The following EOLA2 variants were observed in gnomAD, a reference collection of about 807,000 sequenced individuals.
EOLA2 encodes the protein endothelium and lymphocyte associated ASCH domain 2, also known as protein EOLA2.
In EOLA2, 3 loss-of-function variants were observed where a neutral mutation model predicts 4.1. The observed-to-expected ratio is 0.73, with a 90% CI of 0.33 to 1.89. The LOEUF (loss-of-function observed/expected upper bound fraction) is 1.89. Ranked by LOEUF, EOLA2 falls within the 40% of genes most tolerant of loss-of-function variation. EOLA2 has a pLI of 0.08. For missense variants in EOLA2, 109 were observed against 126.4 expected (o/e 0.86, Z 0.66); for synonymous variants, 52 against 51.7 (o/e 1.01, Z -0.03).
At chrX:149,933,477 C>T (rs781872415) in intron 4 of EOLA2, 145 bp downstream of exon 4, 132 of 756,156 alleles carry the variant, frequency 1.7e-4, no homozygotes, top group East Asian at 1.4e-3. Flanking sequence ...AGGTCCTTGC[C>T]GCCCCTTTGA....
chrX:149,934,315 T>C, intron 2 of EOLA2, 178 bp from the exon 3 acceptor site: 1 of 605,642 alleles, frequency 1.7e-6, no homozygotes, highest in South Asian at 7.9e-5. Flanking sequence ...CTCTTCCCTT[T>C]CCCCTGCTGT....
chrX:149,935,905 G>A (rs1239049003), intron 2 of EOLA2, among the ~76,000 whole-genome samples: 48 of 108,324 alleles, frequency 4.4e-4, no homozygotes, highest in Middle Eastern at 4.8e-3. Flanking sequence ...GTCCAAAACC[G>A]ACACTGAATC....
At chrX:149,934,209 C>G in intron 2 of EOLA2, 72 bp from the exon 3 acceptor site, 2 of 855,350 alleles carry the variant, frequency 2.3e-6, no homozygotes, top group Non-Finnish European at 2.9e-6. Flanking sequence ...TAGGGCAACA[C>G]AGAGGACAGA....
At chrX:149,933,511 T>C in intron 4 of EOLA2, 111 bp downstream of exon 4, 1 of 841,024 alleles carries the variant, frequency 1.2e-6, no homozygotes, top group Non-Finnish European at 1.7e-6. Context: ...AAGGAAACTG[T>C]GTTATACACG....
intron 2 of EOLA2, chrX:149,934,574 C>T (rs2090947129): frequency 1.3e-6 from 1 of 752,350 alleles, no homozygotes; most frequent in Admixed American, 8.7e-5. Context: ...CCAATCTGAG[C>T]TGAGAAAAGA....
intron 4 of EOLA2, 98 bp downstream of exon 4, chrX:149,933,524 A>T (rs1387815795): frequency 2.2e-6 from 2 of 900,975 alleles, no homozygotes; most frequent in African/African-American, 4.3e-5. Flanking sequence ...TATACACGCC[A>T]ATCAGTTCAG....
chrX:149,931,793 T>C (rs1412815114), downstream of EOLA2, among the ~76,000 whole-genome samples: 2 of 82,655 alleles, frequency 2.4e-5, no homozygotes, highest in African/African-American at 9.9e-5. Flanking sequence ...CTAGAAACTT[T>C]GCTAAATCAC....
intron 2 of EOLA2, among the ~76,000 whole-genome samples, chrX:149,934,914 TCA>T (rs2090955535): frequency 8.9e-6 from 1 of 112,086 alleles, no homozygotes; most frequent in African/African-American, 3.2e-5. Context: ...TTGAGATGCC[TCA>T]GTTTCCACAT....
At chrX:149,937,346 G>C (rs782377648) in intron 2 of EOLA2, 87 bp downstream of exon 2, 16 of 269,181 alleles carry the variant, frequency 5.9e-5, no homozygotes, top group Non-Finnish European at 8.2e-5. Context: ...ACAACTGTGT[G>C]TGTGTGGAAT....
intron 2 of EOLA2, among the ~76,000 whole-genome samples, chrX:149,936,011 C>G (rs1423766660): frequency 1.1e-5 from 1 of 90,124 alleles, no homozygotes; most frequent in Admixed American, 1.2e-4. Context: ...CCCCCACCCC[C>G]CCCCAGCACT....
chrX:149,932,845 TC>T (rs2090899775), intron 4 of EOLA2, 78 bp from the exon 5 acceptor site: 27 of 1,001,642 alleles, frequency 2.7e-5, no homozygotes, highest in Non-Finnish European at 3.5e-5. Context: ...ACACAGTTAC[TC>T]AAAGTCACAA....
downstream of EOLA2, chrX:149,929,925 A>G: frequency 9.9e-7 from 1 of 1,013,915 alleles, no homozygotes; most frequent in Non-Finnish European, 1.3e-6. Context: ...GTGGAGGAAG[A>G]CACATTCAAG....
rs367632870 is a variant in EOLA2, at chrX:149,932,613, C to T, written c.408G>A (p.Arg136=). 9.0e-5 allele frequency: 108 copies of T among 1,203,693 alleles called. No homozygotes were observed. Among genetic ancestry groups the T allele is most frequent in the Non-Finnish European group, 1.2e-4 (106 of 893,167 alleles). Residue 136 remains arginine, a synonymous_variant, in exon 5 of 5, where the codon AGG becomes AGA. Transcript: ENST00000370406. ...CCTGGAATACATCCTTGCCTCCTTTCCTAGGTATGGGCTCCAGTAACCACC... is the reference window on the plus strand; with the variant it reads ...CCTGGAATACATCCTTGCCTCCTTTTCTAGGTATGGGCTCCAGTAACCACC... The part of the protein sequence containing the change: ...NPRWLLEPIP[R]KGGKDVFQVD...
rs1307855745 is a variant in EOLA2, at chrX:149,937,806, A to C, written c.-210-326T>G. Among the ~76,000 whole-genome samples, 2 of 112,698 alleles carry C rather than the reference A, an allele frequency of 1.8e-5. 1 individual carries two copies. The stretch of plus-strand genomic sequence containing the variant: ...CTTCCCCTCCCATTGTCATCGGACG[A>C]GGGTTTGGGGGGCCTAAATCCCATT... On this transcript the variant is annotated intron_variant, in intron 1 of 4. Transcript: ENST00000370406.
rs782434499 is a variant in EOLA2 at position 149,932,669 on chromosome X, G to C, written c.352C>G (p.Gln118Glu). Reference protein sequence around the residue: ...ENQAALTNLKQKYLTVISNPR... With the variant: ...ENQAALTNLKEKYLTVISNPR... ...TTTGAAATCACAGTCAGGTACTTCTGCTTCAGGTTGGTCAGTGCAGCTTGA... is the reference window on the plus strand; with the variant it reads ...TTTGAAATCACAGTCAGGTACTTCTCCTTCAGGTTGGTCAGTGCAGCTTGA... The change falls in exon 5 of 5, where the codon CAG becomes GAG. Residue 118 changes from glutamine to glutamate, a missense_variant. Physicochemically the swap from Gln to Glu is conservative, Grantham distance 29. Coordinates refer to ENST00000370406, the MANE Select transcript of EOLA2 (RefSeq NM_001013845.2). 13 of 1,205,219 alleles carry C rather than the reference G, an allele frequency of 1.1e-5. No homozygotes were observed. The highest frequency in any genetic ancestry group is 4.4e-5 in the Admixed American group (2 of 45,428).
chrX:149,937,936 C>T (rs782573281), intron 1 of EOLA2, among the ~76,000 whole-genome samples: 1 of 112,833 alleles, frequency 8.9e-6, no homozygotes, highest in Non-Finnish European at 1.9e-5. Flanking sequence ...GCACAGGGGC[C>T]AAGCGGGAGG....
chrX:149,933,890 G>A lies in EOLA2; in HGVS notation c.-16C>T, dbSNP rs1441339962. On this transcript the variant is annotated 5_prime_UTR_variant, in exon 4 of 5. Coordinates refer to ENST00000370406, the MANE Select transcript of EOLA2 (RefSeq NM_001013845.2). ...CAAACTTCATCTTCGCAAGCGCCCC[G>A]GGCCTCCCGTAGCCTGCGGAAGCAC... is the stretch of plus-strand genomic sequence containing the variant. 1.2e-5 allele frequency: 14 copies of A among 1,196,575 alleles called. No homozygotes were observed. Among genetic ancestry groups the A allele is most frequent in the East Asian group, 3.0e-5 (1 of 33,508 alleles).
downstream of EOLA2, chrX:149,931,044 C>T (rs1388975518): frequency 5.3e-6 from 5 of 936,186 alleles, no homozygotes; most frequent in Non-Finnish European, 6.6e-6. Flanking sequence ...TGTTACTACG[C>T]TCTGTTGGCC....
chrX:149,936,642 C>CG (rs782162636), intron 2 of EOLA2, among the ~76,000 whole-genome samples: 1 of 100,063 alleles, frequency 1.0e-5, no homozygotes, highest in Non-Finnish European at 2.0e-5. Context: ...ACAGAACAAA[C>CG]GAACCTGGCC....
Sources: allele counts gnomAD v4.1 joint callset (sites outside exome capture counted in the v4.1 genomes callset), GRCh38; gene constraint gnomAD v4.1.1; transcripts MANE v1.5; gene names NCBI Gene and HGNC (gene_info 2026-07-23, HGNC 2026-07-21).